The following PDE4B variants were observed in gnomAD, a reference collection of about 807,000 sequenced individuals.
PDE4B encodes 3',5'-cyclic-AMP phosphodiesterase 4B.
A neutral mutation model predicts 82.2 loss-of-function variants in PDE4B; 20 were observed. The observed-to-expected ratio is 0.24, with a 90% CI of 0.17 to 0.35. The LOEUF (loss-of-function observed/expected upper bound fraction) is 0.35, where lower values mean the gene tolerates loss of function less well. Among genes scored for constraint, PDE4B ranks in the 10% least tolerant of loss-of-function variants. The probability of loss-of-function intolerance (pLI) is 1.00; values close to 1 mark genes in which losing one functional copy is unlikely to be tolerated. For synonymous variants in PDE4B, 320 were observed against 318.9 expected, an observed-to-expected ratio of 1.00 and a Z score of -0.04; for missense variants, 655 against 907.2, an observed-to-expected ratio of 0.72 and a Z score of 3.57.
At chr1:65,870,143 G>A (rs1289381664) in intron 1 of PDE4B, among the ~76,000 whole-genome samples, 1 of 152,148 alleles carries the variant, frequency 6.6e-6, no homozygotes, top group Non-Finnish European at 1.5e-5. Context: ...CACCCAGAGA[G>A]TATTGTTTCC....
At chr1:65,933,025 CA>C in intron 3 of PDE4B, among the ~76,000 whole-genome samples, 1 of 151,966 alleles carries the variant, frequency 6.6e-6, no homozygotes, top group East Asian at 1.9e-4. Flanking sequence ...GAAAGAACCA[CA>C]AAACATATTC....
intron 3 of PDE4B, among the ~76,000 whole-genome samples, chr1:66,032,649 T>C (rs539409981): frequency 1.5e-5 from 2 of 132,714 alleles, no homozygotes; most frequent in South Asian, 2.4e-4. Context: ...GTATCATTTA[T>C]CTAATTTTTT....
intron 7 of PDE4B, among the ~76,000 whole-genome samples, chr1:66,327,882 A>T (rs1456793255): frequency 6.6e-6 from 1 of 152,250 alleles, no homozygotes; most frequent in Non-Finnish European, 1.5e-5. Flanking sequence ...ATTTTCAGGA[A>T]TAGGTGCATC....
chr1:66,012,781 G>T (rs1205626181), intron 3 of PDE4B, among the ~76,000 whole-genome samples: 1 of 152,152 alleles, frequency 6.6e-6, no homozygotes, highest in Non-Finnish European at 1.5e-5. Flanking sequence ...TTTGAGCAAA[G>T]TTCACAGCTT....
At position 66,367,868 on chromosome 1, in the gene PDE4B, C is replaced by T; in HGVS notation, c.1539+18C>T. 1.2e-6 allele frequency: 2 copies of T among 1,612,784 alleles called. No individual in the cohort carries two copies. The highest frequency in any genetic ancestry group is 1.7e-6 in the Non-Finnish European group (2 of 1,179,140). ...TTGACATGGTAAGACTTTAGCCTCT[C>T]TACATTCCTCACTTACTGCCATTCT... On this transcript the variant is annotated intron_variant, in intron 14 of 16. Transcript: ENST00000341517.
chr1:65,952,803 A>T (rs1338607726), intron 3 of PDE4B, among the ~76,000 whole-genome samples: 2 of 152,156 alleles, frequency 1.3e-5, no homozygotes, highest in African/African-American at 4.8e-5. Context: ...CTGTTAAATG[A>T]TGGTAATAGT....
chr1:65,978,878 G>A (rs1430331610), intron 3 of PDE4B, among the ~76,000 whole-genome samples: 1 of 151,950 alleles, frequency 6.6e-6, no homozygotes, highest in Non-Finnish European at 1.5e-5. Flanking sequence ...ATACATCTGG[G>A]ATTTTAACAG....
intron 3 of PDE4B, among the ~76,000 whole-genome samples, chr1:66,192,186 C>T (rs1315671004): frequency 6.6e-6 from 1 of 152,094 alleles, no homozygotes. Flanking sequence ...TGTTCTATCT[C>T]TCTCTCTCTG....
chr1:66,073,037 G>T (rs1159002190), intron 3 of PDE4B, among the ~76,000 whole-genome samples: 6 of 149,278 alleles, frequency 4.0e-5, no homozygotes, highest in African/African-American at 1.5e-4. Flanking sequence ...TGTACATTCA[G>T]CCAGTTCCTT....
chr1:66,204,260 G>A (rs1390470806), intron 3 of PDE4B, among the ~76,000 whole-genome samples: 1 of 152,220 alleles, frequency 6.6e-6, no homozygotes, highest in Non-Finnish European at 1.5e-5. Flanking sequence ...TGCCCCTACT[G>A]GGCAGTACCT....
At chr1:66,098,687 A>C (rs1645162575) in intron 3 of PDE4B, among the ~76,000 whole-genome samples, 1 of 152,154 alleles carries the variant, frequency 6.6e-6, no homozygotes, top group Non-Finnish European at 1.5e-5. Flanking sequence ...ACATTCAAGA[A>C]AGAAAGTCTA....
chr1:65,813,911 A>AC (rs945615542), intron 1 of PDE4B, among the ~76,000 whole-genome samples: 2 of 151,684 alleles, frequency 1.3e-5, no homozygotes, highest in South Asian at 2.1e-4. Flanking sequence ...AAAAAAAAAA[A>AC]AACAACAGTT....
chr1:65,922,472 G>A lies in PDE4B; in HGVS notation c.281+3637G>A, dbSNP rs186626781. ...AGGAATTCAGATATGAAAGCAAGAT[G>A]TTATCTTTAATACTGATAAAGTTGA... On this transcript the variant is annotated intron_variant, in intron 3 of 16. Transcript: ENST00000341517. Among the ~76,000 whole-genome samples the A allele has an allele frequency of 2.6e-5, 4 of 152,276 alleles. No homozygotes were observed. The East Asian group carries it at 7.7e-4, about 29-fold the overall frequency.
At chr1:65,885,160 A>G (rs1227426043) in intron 1 of PDE4B, among the ~76,000 whole-genome samples, 1 of 152,098 alleles carries the variant, frequency 6.6e-6, no homozygotes, top group African/African-American at 2.4e-5. Context: ...ACCACAATGA[A>G]ATACCATCTC....
intron 3 of PDE4B, among the ~76,000 whole-genome samples, chr1:66,114,952 G>T (rs1362126986): frequency 6.6e-6 from 1 of 152,122 alleles, no homozygotes; most frequent in Non-Finnish European, 1.5e-5. Flanking sequence ...AAAATATGGA[G>T]TTGAATTTTA....
Position 65,945,072 on chromosome 1 carries a change from A to G in PDE4B, c.281+26237A>G, listed in dbSNP as rs1476657824. Among the ~76,000 whole-genome samples, 6 of 151,986 alleles carry G rather than the reference A, an allele frequency of 3.9e-5. No individual in the cohort carries two copies. In the South Asian group the frequency reaches 1.0e-3, roughly 26 times the overall value. On this transcript the variant is annotated intron_variant, in intron 3 of 16. Transcript: ENST00000341517. ...AGTAAAGTTGAGCAAAGGCACTCCT[A>G]CTTCTGTGCCTTGACTCCCTGCCCA...
intron 10 of PDE4B, 94 bp downstream of exon 10, chr1:66,361,887 G>A: frequency 9.9e-7 from 1 of 1,007,096 alleles, no homozygotes; most frequent in South Asian, 2.0e-5. Context: ...GATTGCTTTT[G>A]CATTATTATT....
chr1:66,172,759 T>C (rs1275696234), intron 3 of PDE4B, among the ~76,000 whole-genome samples: 1 of 128,256 alleles, frequency 7.8e-6, no homozygotes, highest in Non-Finnish European at 1.6e-5. Context: ...CTTTCCTTTT[T>C]TCATCTCCTC....
chr1:66,015,334 C>T (rs1282099849), intron 3 of PDE4B, among the ~76,000 whole-genome samples: 1 of 152,008 alleles, frequency 6.6e-6, no homozygotes, highest in Non-Finnish European at 1.5e-5. Context: ...GAGAAAGATG[C>T]CCAATTGACA....
Sources: gnomAD v4.1 joint callset for allele counts (sites outside exome capture counted in the v4.1 genomes callset) on GRCh38, gnomAD v4.1.1 for gene constraint, MANE v1.5 for transcripts, NCBI Gene and HGNC (gene_info 2026-07-23, HGNC 2026-07-21) for gene names.